DEPTOR: variants seen among roughly 807,000 people sequenced by gnomAD.
The protein encoded by DEPTOR is DEP domain-containing mTOR-interacting protein.
In DEPTOR, 41 loss-of-function variants were observed where a neutral mutation model predicts 41.6. The ratio of observed to expected loss-of-function variants is 0.98; its 90% CI spans 0.77 to 1.28. The LOEUF is 1.28. Ranked by LOEUF, DEPTOR falls within the 50% of genes most tolerant of loss-of-function variation. The pLI, the probability that DEPTOR is intolerant of heterozygous loss-of-function variation, is 0.00. For missense variants in DEPTOR, 514 were observed against 527.9 expected, an observed-to-expected ratio of 0.97 and a Z score of 0.26; for synonymous variants, 195 against 192.3, an observed-to-expected ratio of 1.01 and a Z score of -0.12.
At chr8:119,889,083 C>T (rs897363370) in intron 1 of DEPTOR, among the ~76,000 whole-genome samples, 4 of 151,860 alleles carry the variant, frequency 2.6e-5, no homozygotes, top group African/African-American at 9.7e-5. Context: ...AATAAATATA[C>T]TGATAATTCA....
chr8:119,970,907 G>T (rs190486738), intron 4 of DEPTOR, among the ~76,000 whole-genome samples: 95 of 152,222 alleles, frequency 6.2e-4, no homozygotes, highest in African/African-American at 2.2e-3. Flanking sequence ...AGGGGCCAAG[G>T]GAAAACATCC....
At chr8:120,044,999 G>T (rs1037278910) in intron 8 of DEPTOR, among the ~76,000 whole-genome samples, 1 of 152,300 alleles carries the variant, frequency 6.6e-6, no homozygotes, top group East Asian at 1.9e-4. Flanking sequence ...TCTTATTTAA[G>T]TTCTCCACAC....
intron 3 of DEPTOR, among the ~76,000 whole-genome samples, chr8:119,955,370 T>C (rs2129938585): frequency 6.6e-6 from 1 of 152,230 alleles, no homozygotes; most frequent in African/African-American, 2.4e-5. Flanking sequence ...TCCAAGCCTA[T>C]GGAAACTTGC....
At chr8:119,989,642 A>C (rs937935848) in intron 4 of DEPTOR, among the ~76,000 whole-genome samples, 2 of 152,260 alleles carry the variant, frequency 1.3e-5, no homozygotes, top group East Asian at 3.8e-4. Context: ...ACTCTCTCAT[A>C]GTACTGTTTT....
At chr8:119,883,473 TAAAAAA>T (rs386413817) in intron 1 of DEPTOR, among the ~76,000 whole-genome samples, 4 of 112,122 alleles carry the variant, frequency 3.6e-5, no homozygotes, top group Non-Finnish European at 5.2e-5. Context: ...AGACTCGTCT[TAAAAAA>T]AAAAAAAAAA....
chr8:119,882,425 T>G (rs116257913), intron 1 of DEPTOR, among the ~76,000 whole-genome samples: 2,821 of 152,014 alleles, frequency 0.019, 88 homozygotes, highest in African/African-American at 0.063. Flanking sequence ...TTTTAGACAG[T>G]GTCTCACTCT....
At chr8:119,909,325 A>T (rs763814063) in intron 1 of DEPTOR, among the ~76,000 whole-genome samples, 13 of 152,118 alleles carry the variant, frequency 8.5e-5, no homozygotes, top group Admixed American at 5.9e-4. Flanking sequence ...TAACTGATGA[A>T]ATCTTTAGTT....
intron 3 of DEPTOR, among the ~76,000 whole-genome samples, chr8:119,940,107 C>T (rs548601983): frequency 1.1e-3 from 170 of 152,064 alleles, no homozygotes; most frequent in African/African-American, 3.9e-3. Context: ...ATCCCAGCTA[C>T]TTGGGAGGCT....
intron 4 of DEPTOR, among the ~76,000 whole-genome samples, chr8:119,965,737 A>G (rs1438770011): frequency 6.6e-6 from 1 of 152,222 alleles, no homozygotes; most frequent in East Asian, 1.9e-4. Context: ...CTTTGTATCT[A>G]ACTGGCTAAA....
intron 4 of DEPTOR, among the ~76,000 whole-genome samples, chr8:119,977,661 A>G (rs1463216724): frequency 6.6e-6 from 1 of 152,194 alleles, no homozygotes; most frequent in Non-Finnish European, 1.5e-5. Context: ...GGGCCAAGAC[A>G]TTGGCACACA....
chr8:120,026,109 C>T lies in DEPTOR; in HGVS notation c.1101+16976C>T, dbSNP rs1417679708. Among the ~76,000 whole-genome samples the T allele has an allele frequency of 2.0e-5, 3 of 151,702 alleles. No individual in the cohort carries two copies. The East Asian group carries it at 5.9e-4, about 30-fold the overall frequency. On this transcript the variant is annotated intron_variant, in intron 8 of 8. Transcript: ENST00000286234. ...TCAAGTGACTGTCCTGCCTCAGCCT[C>T]CCATGTAGCTGGGATTACAGGCATG...
chr8:119,952,257 C>T (rs555052558), intron 3 of DEPTOR, among the ~76,000 whole-genome samples: 1 of 152,292 alleles, frequency 6.6e-6, no homozygotes, highest in South Asian at 2.1e-4. Flanking sequence ...GACCTTAGGG[C>T]TTAATCTGTC....
chr8:120,008,541 A>AAAT (rs1489953013), intron 7 of DEPTOR, among the ~76,000 whole-genome samples: 1 of 151,500 alleles, frequency 6.6e-6, no homozygotes, highest in Non-Finnish European at 1.5e-5. Flanking sequence ...AAAAAAAAAA[A>AAAT]AAAAGCCAGG....
At chr8:119,981,117 C>T (rs1169280568) in intron 4 of DEPTOR, among the ~76,000 whole-genome samples, 1 of 152,156 alleles carries the variant, frequency 6.6e-6, no homozygotes, top group Non-Finnish European at 1.5e-5. Context: ...ATCCAAGTTC[C>T]AAACAACTGT....
chr8:119,934,415 A>T (rs1586621991), intron 3 of DEPTOR, among the ~76,000 whole-genome samples: 1 of 152,322 alleles, frequency 6.6e-6, no homozygotes, highest in East Asian at 1.9e-4. Flanking sequence ...GGAGGCATGG[A>T]TCGTCCTGCA....
At chr8:119,960,770 G>C (rs996731023) in intron 3 of DEPTOR, among the ~76,000 whole-genome samples, 2 of 152,138 alleles carry the variant, frequency 1.3e-5, no homozygotes, top group Non-Finnish European at 2.9e-5. Context: ...GATCACCTGA[G>C]GTCAGGAGTT....
intron 4 of DEPTOR, among the ~76,000 whole-genome samples, chr8:119,972,435 C>A (rs1828644804): frequency 6.6e-6 from 1 of 152,070 alleles, no homozygotes; most frequent in South Asian, 2.1e-4. Context: ...CCTGCTTAAG[C>A]AACATAGTGA....
At chr8:119,941,682 A>C (rs1256709207) in intron 3 of DEPTOR, among the ~76,000 whole-genome samples, 1 of 152,222 alleles carries the variant, frequency 6.6e-6, no homozygotes, top group Non-Finnish European at 1.5e-5. Flanking sequence ...TTGTATACCA[A>C]GAACTTTACA....
chr8:119,990,423 C>T (rs549762955), intron 4 of DEPTOR, among the ~76,000 whole-genome samples: 1 of 152,174 alleles, frequency 6.6e-6, no homozygotes, highest in South Asian at 2.1e-4. Flanking sequence ...TCCCAAAGTG[C>T]GGGATTACAG....
Sources: allele counts gnomAD v4.1 joint callset (sites outside exome capture counted in the v4.1 genomes callset), GRCh38; gene constraint gnomAD v4.1.1; transcripts MANE v1.5; gene names NCBI Gene and HGNC (gene_info 2026-07-23, HGNC 2026-07-21).